Variants in SARM1 observed in about 807,000 individuals in gnomAD.
The protein encoded by SARM1 is sterile alpha and TIR motif containing 1.
In SARM1, 60 loss-of-function variants were observed where a neutral mutation model predicts 65.1. The ratio of observed to expected loss-of-function variants is 0.92; its 90% confidence interval spans 0.75 to 1.14. SARM1 has a LOEUF of 1.14. Among genes scored for constraint, SARM1 ranks in the 50% most tolerant of loss-of-function variants. SARM1 has a pLI of 0.00. For missense variants in SARM1, 913 were observed against 1,015.7 expected, an observed-to-expected ratio of 0.90 and a Z score of 1.37; for synonymous variants, 417 against 465.4, an observed-to-expected ratio of 0.90 and a Z score of 1.34.
At chr17:28,389,917 T>A (rs555799404) in intron 7 of SARM1, among the ~76,000 whole-genome samples, 1 of 152,232 alleles carries the variant, frequency 6.6e-6, no homozygotes, top group South Asian at 2.1e-4. Context: ...CTGAGCCAGG[T>A]AAGCAAACAT....
Position 28,384,565 on chromosome 17 carries a change from T to C in SARM1, c.1298T>C (p.Phe433Ser), listed in dbSNP as rs782121648. The change falls in exon 3 of 9, where the codon TTC becomes TCC. Residue 433 changes from phenylalanine (F) to serine (S), a missense_variant. Phe to Ser is a radical substitution (Grantham distance 155). Around this residue, in one of 3 missense-constraint regions of SARM1, gnomAD observed 862 missense variants for 952.1 expected, o/e 0.91. Transcript: ENST00000585482. The surrounding 1 kb of genome is among the most constrained non-coding windows in gnomAD (Gnocchi z 4.4). ...QIGFSKYCES[F>S]REQQVDGDLL... ...GGTTTCTCCAAGTACTGCGAGAGCTTCCGGGTAGAGTCGCGTGGGATACGC... is the reference window on the plus strand; with the variant it reads ...GGTTTCTCCAAGTACTGCGAGAGCTCCCGGGTAGAGTCGCGTGGGATACGC... 2.5e-6 allele frequency: 4 copies of C among 1,602,412 alleles called. No individual in the cohort carries two copies. The East Asian group carries it at 9.0e-5, about 36-fold the overall frequency.
Position 28,385,272 on chromosome 17 carries a change from A to G in SARM1, c.1627A>G (p.Arg543Gly). The G allele has an allele frequency of 6.5e-7, 1 of 1,544,020 alleles. No homozygotes were observed. The highest frequency in any genetic ancestry group is 8.7e-7 in the Non-Finnish European group (1 of 1,151,084). ...CCGCGCCCGCATCCTCACGGCGGCC[A>G]GAGGTCAGCCCGCTCACCCGGGACC... Reference protein sequence around the residue: ...VHRARILTAAREMLHSPLPCT... With the variant: ...VHRARILTAAGEMLHSPLPCT... The change falls in exon 5 of 9, where the codon AGA becomes GGA. Residue 543 changes from arginine to glycine, a missense_variant. This residue lies in a region of SARM1 where 862 missense variants were observed against 952.1 expected (regional missense o/e 0.91). Coordinates refer to ENST00000585482, the MANE Select transcript of SARM1 (RefSeq NM_015077.4). The surrounding 1 kb of genome is among the most constrained non-coding windows in gnomAD (Gnocchi z 4.5).
chr17:28,399,829 C>T lies in SARM1; in HGVS notation c.*3543C>T, dbSNP rs1369381318. 8.2e-6 allele frequency: 8 copies of T among 978,268 alleles called. No individual in the cohort carries two copies. The highest frequency in any genetic ancestry group is 1.1e-5 in the Non-Finnish European group (7 of 613,458). 60.6% of individuals were successfully genotyped at this position (978,268 alleles called of 1,614,324 possible). A position where few individuals can be genotyped will look rare whatever the true frequency, so the allele number is the denominator to read the frequency against. The stretch of plus-strand genomic sequence containing the variant: ...TGGTCCAGGTAGCTCTCCTGAACCT[C>T]CTCCTTCCCCAAGCTGAGAAGCTGA... On this transcript the variant is annotated 3_prime_UTR_variant, in exon 9 of 9. Transcript: ENST00000585482.
intron 5 of SARM1, among the ~76,000 whole-genome samples, chr17:28,387,236 CTTT>C (rs548164976): frequency 2.9e-5 from 4 of 139,192 alleles, no homozygotes; most frequent in African/African-American, 2.6e-5. Flanking sequence ...CTTTTCTTTT[CTTT>C]TTTTTTTTTT....
intron 1 of SARM1, among the ~76,000 whole-genome samples, chr17:28,377,441 C>G (rs901611174): frequency 7.9e-5 from 12 of 151,954 alleles, no homozygotes; most frequent in African/African-American, 2.9e-4. Flanking sequence ...TAAAAGAAAA[C>G]AAAACAAAAA....
At chr17:28,375,154 C>T (rs2067981869) in intron 1 of SARM1, among the ~76,000 whole-genome samples, 1 of 152,158 alleles carries the variant, frequency 6.6e-6, no homozygotes, top group South Asian at 2.1e-4. Flanking sequence ...TCTGGCCCCA[C>T]AACACCCAGT....
Position 28,395,625 on chromosome 17 carries a change from CG to C in SARM1, c.1924-277del, listed in dbSNP as rs547710909. On this transcript the variant is annotated intron_variant, in intron 7 of 8. Transcript: ENST00000585482. The stretch of plus-strand genomic sequence containing the variant: ...TCTAGGCTACCCCCATAGCACCCCC[CG>C]GGCCCCCAGTGGGGAATCATCTCTT... 905 of 379,330 alleles carry C rather than the reference CG, an allele frequency of 2.4e-3. 12 individuals are homozygous for C. Among genetic ancestry groups the C allele is most frequent in the African/African-American group, 0.017 (836 of 49,184 alleles). 23.5% of individuals were successfully genotyped at this position (379,330 alleles called of 1,614,324 possible).
At position 28,400,774 on chromosome 17, in the gene SARM1, G is replaced by T. The variant is rs990951647; in HGVS notation, c.*4488G>T. On this transcript the variant is annotated 3_prime_UTR_variant, in exon 9 of 9. Transcript: ENST00000585482. ...CAGCAGAAAAGAGAGCACCTGTGAA[G>T]AAATAAATACCATACTCTGGAGTCC... is the stretch of plus-strand genomic sequence containing the variant. 1 of 1,557,692 alleles carries T rather than the reference G, an allele frequency of 6.4e-7. No individual in the cohort carries two copies. Among genetic ancestry groups the T allele is most frequent in the African/African-American group, 1.4e-5 (1 of 73,470 alleles).
chr17:28,381,847 G>T, intron 2 of SARM1, 26 bp downstream of exon 2: 1 of 1,415,314 alleles, frequency 7.1e-7, no homozygotes. Flanking sequence ...GGGTTGGGTG[G>T]ATCAGGGGTT....
At chr17:28,382,037 C>G (rs1349678725) in intron 2 of SARM1, among the ~76,000 whole-genome samples, 1 of 151,976 alleles carries the variant, frequency 6.6e-6, no homozygotes, top group Non-Finnish European at 1.5e-5. Flanking sequence ...AGCTTTTAAG[C>G]AAGGGGACAC....
intron 7 of SARM1, among the ~76,000 whole-genome samples, chr17:28,392,261 G>A (rs782711385): frequency 5.9e-5 from 9 of 151,684 alleles, no homozygotes; most frequent in African/African-American, 1.9e-4. Context: ...ACAGGCACAC[G>A]CCACCATATC....
intron 1 of SARM1, among the ~76,000 whole-genome samples, chr17:28,379,334 G>C (rs1421095723): frequency 8.8e-6 from 1 of 114,198 alleles, no homozygotes; most frequent in South Asian, 2.7e-4. Context: ...TTTTTGAGAC[G>C]GAGTCTCGCT....
In SARM1 at chr17:28,372,234, G is replaced by T. The variant is rs2285408; in HGVS notation, c.202G>T (p.Ala68Ser). ...CGAGGTGCAGGACGCCCTGGAGCGC[G>T]CGCTGCCGGAGCTGCAGCAGGCCTT... ...GTEVQDALER[A>S]LPELQQALSA... The change falls in exon 1 of 9, where the codon GCG becomes TCG. Residue 68 changes from alanine to serine, a missense_variant. Physicochemically the swap from Ala to Ser is moderately conservative, Grantham distance 99 (BLOSUM62 1). Transcript: ENST00000585482. The surrounding 1 kb of genome is among the most constrained non-coding windows in gnomAD (Gnocchi z 5.2). 7.3e-4 allele frequency: 1,009 copies of T among 1,384,470 alleles called. 13 individuals are homozygous for T. In the East Asian group the frequency reaches 0.03, roughly 41 times the overall value. 85.8% of individuals were successfully genotyped at this position (1,384,470 alleles called of 1,614,324 possible).
intron 1 of SARM1, among the ~76,000 whole-genome samples, chr17:28,377,308 G>A (rs2067997721): frequency 6.6e-6 from 1 of 151,956 alleles, no homozygotes; most frequent in Admixed American, 6.6e-5. Flanking sequence ...GGAATAACTG[G>A]GCCAGGTGAG....
At position 28,384,651 on chromosome 17, in the gene SARM1, A is replaced by G. The variant is rs564447660; in HGVS notation, c.1302+82A>G. ...GACTGCGTTCCCTCCCCGCCTCGCA[A>G]TCCCGCGGCGCCAGGGTCGCTTTTG... On this transcript the variant is annotated intron_variant, in intron 3 of 8. Transcript: ENST00000585482. The surrounding 1 kb of genome is among the most constrained non-coding windows in gnomAD (Gnocchi z 4.4). 6.8e-5 allele frequency: 95 copies of G among 1,401,024 alleles called. No homozygotes were observed. In the African/African-American group the frequency reaches 1.3e-3, roughly 18 times the overall value. The allele number at this position is 1,401,024 out of a possible 1,614,324, so 86.8% of individuals were successfully genotyped here. A position where few individuals can be genotyped will look rare whatever the true frequency, so the allele number is the denominator to read the frequency against.
chr17:28,375,173 C>T (rs1336119168), intron 1 of SARM1, among the ~76,000 whole-genome samples: 2 of 152,174 alleles, frequency 1.3e-5, no homozygotes, highest in African/African-American at 2.4e-5. Context: ...GTGAGGTCCC[C>T]ATATGACTGC....
Position 28,400,508 on chromosome 17 carries a change from AG to A in SARM1, c.*4224del. 6.8e-7 allele frequency: 1 copy of A among 1,480,502 alleles called. No homozygotes were observed. Among genetic ancestry groups the A allele is most frequent in the Non-Finnish European group, 9.1e-7 (1 of 1,093,110 alleles). 91.7% of individuals were successfully genotyped at this position (1,480,502 alleles called of 1,614,324 possible). On this transcript the variant is annotated 3_prime_UTR_variant, in exon 9 of 9. Coordinates refer to ENST00000585482, the MANE Select transcript of SARM1 (RefSeq NM_015077.4). ...CCTGGGACAAGACACCCAGAGGGTAAGGATTCCAGGAATGAAGCTGCCATTT... is the reference window on the plus strand; with the variant it reads ...CCTGGGACAAGACACCCAGAGGGTAAGATTCCAGGAATGAAGCTGCCATTT...
intron 7 of SARM1, among the ~76,000 whole-genome samples, chr17:28,390,519 A>C (rs1182443726): frequency 6.6e-6 from 1 of 152,130 alleles, no homozygotes; most frequent in Non-Finnish European, 1.5e-5. Context: ...TTGGGGTTAA[A>C]ATATTTTTAT....
In SARM1 at chr17:28,400,707, T is replaced by C; in HGVS notation, c.*4421T>C. The C allele has an allele frequency of 6.2e-7, 1 of 1,609,316 alleles. No individual in the cohort carries two copies. Among genetic ancestry groups the C allele is most frequent in the Non-Finnish European group, 8.5e-7 (1 of 1,178,118 alleles). ...GTGGCTGGGTAGAGTGAGTTGAAGA[T>C]GCCGGAGGCCGTCAGCATGGCCAGG... On this transcript the variant is annotated 3_prime_UTR_variant, in exon 9 of 9. Transcript: ENST00000585482.
Sources: allele counts gnomAD v4.1 joint callset (sites outside exome capture counted in the v4.1 genomes callset), GRCh38; gene constraint gnomAD v4.1.1; regional missense constraint gnomAD v4.1.1; non-coding constraint Gnocchi (gnomAD v3.1); transcripts MANE v1.5; gene names NCBI Gene and HGNC (gene_info 2026-07-23, HGNC 2026-07-21).